WDR88: variants seen among roughly 807,000 people sequenced by gnomAD.
WDR88 encodes WD repeat domain 88, also known as WD repeat-containing protein 88.
WDR88 carries 40 observed loss-of-function variants against 46.8 expected under a neutral mutation model. The observed-to-expected ratio is 0.86, with a 90% CI of 0.66 to 1.11. The LOEUF (loss-of-function observed/expected upper bound fraction) is 1.11. Ranked by LOEUF, WDR88 falls within the 50% of genes most tolerant of loss-of-function variation. The pLI, the probability that WDR88 is intolerant of heterozygous loss-of-function variation, is 0.00. For synonymous variants in WDR88, 235 were observed against 240.7 expected (o/e 0.98, Z 0.22); for missense variants, 562 against 602.4 (o/e 0.93, Z 0.70).
chr19:33,173,580 G>C (rs969432266), intron 10 of WDR88, among the ~76,000 whole-genome samples: 10 of 152,262 alleles, frequency 6.6e-5, no homozygotes, highest in African/African-American at 2.4e-4. Flanking sequence ...AGAAGGTTCG[G>C]CTGGGAGCCA....
chr19:33,137,773 A>C lies in WDR88; in HGVS notation c.373A>C (p.Thr125Pro), dbSNP rs776149136. 16 of 1,613,268 alleles carry C rather than the reference A, an allele frequency of 9.9e-6. No homozygotes were observed. The South Asian group carries it at 1.6e-4, about 17-fold the overall frequency. ...TKLLSGSYDC[T>P]VKLWDPVDGS... Reference sequence around the variant, plus strand: ...GCTCCTCAGTGGCTCCTATGACTGCACTGTGAAGCTGTGGGTAGGTGGCCG... The same window carrying C: ...GCTCCTCAGTGGCTCCTATGACTGCCCTGTGAAGCTGTGGGTAGGTGGCCG... The change falls in exon 2 of 11, where the codon ACT becomes CCT. Residue 125 changes from threonine (T) to proline (P), a missense_variant. Transcript: ENST00000355868.
At chr19:33,164,022 T>C (rs1278133985) in intron 8 of WDR88, among the ~76,000 whole-genome samples, 175 bp from the exon 9 acceptor site, 1 of 152,134 alleles carries the variant, frequency 6.6e-6, no homozygotes, top group Non-Finnish European at 1.5e-5. Flanking sequence ...CAGGCTGAAG[T>C]GCAGTGGTGC....
chr19:33,151,910 C>A (rs1461752987), intron 6 of WDR88, among the ~76,000 whole-genome samples: 1 of 150,952 alleles, frequency 6.6e-6, no homozygotes, highest in East Asian at 2.0e-4. Flanking sequence ...TGAATTCAGT[C>A]GTTTTGGAGA....
intron 3 of WDR88, 81 bp from the exon 4 acceptor site, chr19:33,147,564 C>G: frequency 8.6e-6 from 12 of 1,402,274 alleles, no homozygotes; most frequent in Non-Finnish European, 1.2e-5. Flanking sequence ...TATTGCACCA[C>G]TGCACTCCAG....
intron 2 of WDR88, among the ~76,000 whole-genome samples, chr19:33,140,555 C>G (rs550910753): frequency 6.6e-6 from 1 of 152,112 alleles, no homozygotes; most frequent in Non-Finnish European, 1.5e-5. Flanking sequence ...TTTGGGAGGC[C>G]GAGGCGAGCA....
chr19:33,152,029 C>T (rs748181518), intron 6 of WDR88, among the ~76,000 whole-genome samples: 12 of 151,772 alleles, frequency 7.9e-5, no homozygotes, highest in Non-Finnish European at 1.3e-4. Flanking sequence ...GTCAGGAGTT[C>T]GAGACCAGCC....
Position 33,132,406 on chromosome 19 carries a change from G to A in WDR88, c.237G>A (p.Pro79=). 5.0e-6 allele frequency: 8 copies of A among 1,614,130 alleles called. No homozygotes were observed. The highest frequency in any genetic ancestry group is 3.3e-5 in the Admixed American group (2 of 60,018). The change falls in exon 1 of 11, where the codon CCG becomes CCA. Residue 79 remains proline, a synonymous_variant. Transcript: ENST00000355868. ...TGTTGCCTGAGAAGCACCAGGTGCC[G>A]GAGAAATTGATCTGGGGCGACCAGG... ...PHLLPEKHQV[P]EKLIWGDQDP...
At chr19:33,157,677 GTGTATGTATGTATATA>G (rs1283127273) in intron 7 of WDR88, among the ~76,000 whole-genome samples, 8 of 3,452 alleles carry the variant, frequency 2.3e-3, no homozygotes, top group South Asian at 5.7e-3. Context: ...ATGTGTGTGT[GTGTATGTATGTATATA>G]TATATATATA....
chr19:33,163,428 G>A (rs1279641866), intron 8 of WDR88, among the ~76,000 whole-genome samples: 1 of 152,032 alleles, frequency 6.6e-6, no homozygotes, highest in Non-Finnish European at 1.5e-5. Context: ...CCCAGGAGGT[G>A]AAGGTTGCAG....
At chr19:33,134,761 C>T (rs1426869108) in intron 1 of WDR88, among the ~76,000 whole-genome samples, 1 of 152,052 alleles carries the variant, frequency 6.6e-6, no homozygotes, top group Non-Finnish European at 1.5e-5. Context: ...AGCCCGCGTT[C>T]CAGTGTCCTC....
Position 33,160,502 on chromosome 19 carries a change from T to C in WDR88, c.1080+6T>C, listed in dbSNP as rs1329332697. On this transcript the variant is annotated splice_donor_region_variant and intron_variant, in intron 8 of 10. Coordinates refer to ENST00000355868, the MANE Select transcript of WDR88 (RefSeq NM_173479.4). ...ACCGGAAGCTCTCTTTGAAGGTACATGTGGCCAGCATGAGATTGAGGATCT... is the reference window on the plus strand; with the variant it reads ...ACCGGAAGCTCTCTTTGAAGGTACACGTGGCCAGCATGAGATTGAGGATCT... 1 of 1,614,092 alleles carries C rather than the reference T, an allele frequency of 6.2e-7. No homozygotes were observed. Among genetic ancestry groups the C allele is most frequent in the Middle Eastern group, 1.6e-4 (1 of 6,062 alleles).
intron 7 of WDR88, among the ~76,000 whole-genome samples, chr19:33,157,515 A>G (rs981790771): frequency 3.4e-5 from 3 of 88,742 alleles, no homozygotes; most frequent in Non-Finnish European, 3.6e-5. Context: ...ATATATATGT[A>G]TATATATGTG....
intron 9 of WDR88, among the ~76,000 whole-genome samples, chr19:33,165,461 A>C (rs974414127): frequency 2.6e-5 from 4 of 152,150 alleles, no homozygotes; most frequent in African/African-American, 9.7e-5. Flanking sequence ...GGTTTACTTG[A>C]AATTATACAT....
chr19:33,143,363 G>T (rs1053662868), intron 2 of WDR88, among the ~76,000 whole-genome samples: 1 of 137,882 alleles, frequency 7.3e-6, no homozygotes, highest in Non-Finnish European at 1.5e-5. Context: ...AAAAAAAAAG[G>T]CTGGTCACAG....
In WDR88 at chr19:33,162,208, G is replaced by GT. The variant is rs970853905; in HGVS notation, c.1080+1721dup. Among the ~76,000 whole-genome samples the GT allele has an allele frequency of 1.7e-3, 251 of 150,272 alleles. 1 individual carries two copies. The highest frequency in any genetic ancestry group is 4.2e-3 in the South Asian group (20 of 4,726). On this transcript the variant is annotated intron_variant, in intron 8 of 10. Transcript: ENST00000355868. ...CTGCTCTGAGCTGTTTTTTTTGTTT[G>GT]TTTTTTTTTGAGACGGGAGTCTCGC... is the stretch of plus-strand genomic sequence containing the variant.
At chr19:33,171,514 A>AT (rs1001748583) in intron 9 of WDR88, among the ~76,000 whole-genome samples, 3 of 152,054 alleles carry the variant, frequency 2.0e-5, no homozygotes, top group African/African-American at 2.4e-5. Context: ...CAATGTATCC[A>AT]TTTTTTTATT....
At position 33,169,357 on chromosome 19, in the gene WDR88, T is replaced by C. The variant is rs190923335; in HGVS notation, c.1150-2991T>C. On this transcript the variant is annotated intron_variant, in intron 9 of 10. Transcript: ENST00000355868. The stretch of plus-strand genomic sequence containing the variant: ...CATCATGTATCTGATAAGGGATTAA[T>C]ATGCAGAATACATAAAGAACTTCGA... Among the ~76,000 whole-genome samples the C allele has an allele frequency of 1.4e-4, 22 of 152,294 alleles. No individual in the cohort carries two copies. The East Asian group carries it at 4.1e-3, about 28-fold the overall frequency.
intron 9 of WDR88, among the ~76,000 whole-genome samples, chr19:33,164,650 T>C (rs970178482): frequency 2.0e-5 from 3 of 152,114 alleles, no homozygotes; most frequent in Non-Finnish European, 4.4e-5. Flanking sequence ...CCCATTCCAC[T>C]GGCACATAGC....
intron 6 of WDR88, among the ~76,000 whole-genome samples, chr19:33,154,089 A>T (rs922298425): frequency 2.0e-5 from 3 of 152,126 alleles, no homozygotes; most frequent in Non-Finnish European, 4.4e-5. Context: ...ATTTTCCCCA[A>T]ACTTCTGTAC....
Sources: allele counts gnomAD v4.1 joint callset (sites outside exome capture counted in the v4.1 genomes callset), GRCh38; gene constraint gnomAD v4.1.1; transcripts MANE v1.5; gene names NCBI Gene and HGNC (gene_info 2026-07-23, HGNC 2026-07-21).